RAB3GAP2: variants seen among roughly 807,000 people sequenced by gnomAD.
RAB3GAP2 encodes RAB3 GTPase activating non-catalytic protein subunit 2, also known as rab3 GTPase-activating protein non-catalytic subunit.
In RAB3GAP2, 87 loss-of-function variants were observed where a neutral mutation model predicts 185.3. That is an observed-to-expected ratio of 0.47 (90% CI 0.39 to 0.56). The LOEUF is 0.56. RAB3GAP2 is among the 20% of genes least tolerant of loss of function. The pLI is 0.00. For synonymous variants in RAB3GAP2, 554 were observed against 576.1 expected (o/e 0.96, Z 0.55); for missense variants, 1,492 against 1,638.2 (o/e 0.91, Z 1.54).
chr1:220,222,249 T>C (rs1389326128), intron 2 of RAB3GAP2, among the ~76,000 whole-genome samples: 1 of 152,308 alleles, frequency 6.6e-6, no homozygotes, highest in East Asian at 1.9e-4. Context: ...AACTATAAAA[T>C]GCTCAATATT....
At chr1:220,198,310 C>T (rs1383449502) in intron 9 of RAB3GAP2, among the ~76,000 whole-genome samples, 1 of 152,176 alleles carries the variant, frequency 6.6e-6, no homozygotes, top group East Asian at 1.9e-4. Flanking sequence ...AACAAATGGA[C>T]ATAAAGCTTG....
chr1:220,152,991 C>T (rs1018711404), intron 33 of RAB3GAP2, among the ~76,000 whole-genome samples, 194 bp downstream of exon 33: 1 of 152,192 alleles, frequency 6.6e-6, no homozygotes, highest in African/African-American at 2.4e-5. Flanking sequence ...GTGCGTAGGG[C>T]AGGCCTGGCA....
chr1:220,199,965 T>G (rs998819702), intron 9 of RAB3GAP2, among the ~76,000 whole-genome samples: 3 of 152,140 alleles, frequency 2.0e-5, no homozygotes, highest in Non-Finnish European at 4.4e-5. Flanking sequence ...GGAGATATGT[T>G]TAAATGTAAT....
At chr1:220,167,873 T>A (rs1658101256) in intron 24 of RAB3GAP2, among the ~76,000 whole-genome samples, 198 bp from the exon 25 acceptor site, 1 of 152,172 alleles carries the variant, frequency 6.6e-6, no homozygotes. Flanking sequence ...GTGGGATATT[T>A]ACGATGTCAG....
intron 1 of RAB3GAP2, among the ~76,000 whole-genome samples, chr1:220,270,201 C>T (rs1187385657): frequency 6.6e-6 from 1 of 152,240 alleles, no homozygotes; most frequent in Non-Finnish European, 1.5e-5. Flanking sequence ...GGGCCTTACT[C>T]TCACATGATT....
intron 2 of RAB3GAP2, among the ~76,000 whole-genome samples, chr1:220,226,601 T>C (rs1318007895): frequency 2.3e-4 from 35 of 152,184 alleles, no homozygotes; most frequent in Non-Finnish European, 1.5e-5. Context: ...TTTTCTTCTA[T>C]CCCAATCCAT....
rs1558178728 is a variant in RAB3GAP2, at chr1:220,272,333, G to C, written c.5C>G (p.Ala2Gly). The change falls in exon 1 of 35, where the codon GCC becomes GGC. Residue 2 changes from alanine (A) to glycine (G), a missense_variant. By Grantham distance (60) the Ala-to-Gly change is moderately conservative (BLOSUM62 0). Around this residue, in one of 5 missense-constraint regions of RAB3GAP2, gnomAD observed 177 missense variants for 160.6 expected, o/e 1.10. Coordinates refer to ENST00000358951, the MANE Select transcript of RAB3GAP2 (RefSeq NM_012414.4). MACSIVQFCYFQ... is the reference protein window; with the variant it reads MGCSIVQFCYFQ... ...GTAGCAGAACTGGACAATGGAGCAGGCCATGGCTCCAGGGAACCCCACTAC... is the reference window on the plus strand; with the variant it reads ...GTAGCAGAACTGGACAATGGAGCAGCCCATGGCTCCAGGGAACCCCACTAC... The C allele has an allele frequency of 1.2e-6, 2 of 1,606,582 alleles. No homozygotes were observed. Among genetic ancestry groups the C allele is most frequent in the South Asian group, 2.2e-5 (2 of 89,702 alleles).
chr1:220,166,263 GAGGA>G (rs1431833905), intron 26 of RAB3GAP2, among the ~76,000 whole-genome samples: 3 of 152,038 alleles, frequency 2.0e-5, no homozygotes, highest in African/African-American at 7.2e-5. Context: ...CAGTTTTTTG[GAGGA>G]AGGAAGAGTA....
rs555796182 is a variant in RAB3GAP2 at position 220,167,149 on chromosome 1, A to G, written c.3087+144T>C. ...GGATTGTAAGAGGAAATATGTGAAA[A>G]AGGTCTACCCTAGTTAGTACAGAGG... is the stretch of plus-strand genomic sequence containing the variant. On this transcript the variant is annotated intron_variant, in intron 26 of 34. Transcript: ENST00000358951. The G allele has an allele frequency of 3.9e-5, 29 of 735,208 alleles. 1 individual carries two copies. The highest frequency in any genetic ancestry group is 2.9e-4 in the South Asian group (19 of 64,442). 45.5% of individuals were successfully genotyped at this position (735,208 alleles called of 1,614,324 possible).
intron 7 of RAB3GAP2, among the ~76,000 whole-genome samples, chr1:220,208,449 A>G (rs898826475): frequency 6.6e-6 from 1 of 152,198 alleles, no homozygotes; most frequent in African/African-American, 2.4e-5. Flanking sequence ...CTATGACTTC[A>G]ACCATCGTGT....
chr1:220,257,237 G>A (rs537568059), intron 1 of RAB3GAP2, among the ~76,000 whole-genome samples: 2 of 152,146 alleles, frequency 1.3e-5, no homozygotes, highest in East Asian at 3.9e-4. Flanking sequence ...AATTAGCCGG[G>A]CGTGGTGGCA....
intron 8 of RAB3GAP2, 100 bp downstream of exon 8, chr1:220,205,807 A>G: frequency 1.1e-6 from 1 of 876,318 alleles, no homozygotes. Context: ...CTAGTTCAGA[A>G]GGCCTTTTTT....
At position 220,159,385 on chromosome 1, in the gene RAB3GAP2, C is replaced by A; in HGVS notation, c.3261+1G>T. The A allele has an allele frequency of 6.2e-7, 1 of 1,603,888 alleles. No individual in the cohort carries two copies. Among genetic ancestry groups the A allele is most frequent in the Non-Finnish European group, 8.5e-7 (1 of 1,171,256 alleles). Reference sequence around the variant, plus strand: ...ATTCTAGCTATGGGAGATTCACTTACCCTTCGGCATAACCTATCTTTTGGT... The same window carrying A: ...ATTCTAGCTATGGGAGATTCACTTAACCTTCGGCATAACCTATCTTTTGGT... On this transcript the variant is annotated splice_donor_variant, in intron 29 of 34. Coordinates refer to ENST00000358951, the MANE Select transcript of RAB3GAP2 (RefSeq NM_012414.4). LOFTEE classifies it high-confidence loss of function.
intron 2 of RAB3GAP2, among the ~76,000 whole-genome samples, chr1:220,229,434 T>C (rs1308752200): frequency 1.3e-5 from 2 of 152,328 alleles, no homozygotes; most frequent in East Asian, 3.9e-4. Flanking sequence ...TCTGACCCCA[T>C]TGCATAGCAC....
chr1:220,167,265 A>G, intron 26 of RAB3GAP2, 28 bp downstream of exon 26: 1 of 1,571,660 alleles, frequency 6.4e-7, no homozygotes, highest in Non-Finnish European at 8.8e-7. Flanking sequence ...AAGCAGAAAT[A>G]ACATGAAAGA....
chr1:220,239,266 T>C lies in RAB3GAP2; in HGVS notation c.116-6403A>G, dbSNP rs542020295. Among the ~76,000 whole-genome samples the C allele has an allele frequency of 5.5e-4, 84 of 152,328 alleles. 2 individuals carry two copies. The South Asian group carries it at 0.017, about 30-fold the overall frequency. ...TCAGGGGAGGGACAAGGTCTAGCTC[T>C]ATTGCCCAGGGTGGACTGCAATGAT... On this transcript the variant is annotated intron_variant, in intron 1 of 34. Coordinates refer to ENST00000358951, the MANE Select transcript of RAB3GAP2 (RefSeq NM_012414.4).
intron 1 of RAB3GAP2, among the ~76,000 whole-genome samples, chr1:220,250,740 C>T (rs1184306187): frequency 6.6e-6 from 1 of 151,830 alleles, no homozygotes; most frequent in Admixed American, 6.6e-5. Context: ...GTGCTGTTCT[C>T]ATGCTGTTCT....
At chr1:220,176,831 G>A (rs1320324587) in intron 21 of RAB3GAP2, among the ~76,000 whole-genome samples, 3 of 152,066 alleles carry the variant, frequency 2.0e-5, no homozygotes, top group Non-Finnish European at 4.4e-5. Context: ...ATGCCTCTCT[G>A]AGCCAACATG....
In RAB3GAP2 at chr1:220,259,636, A is replaced by C. The variant is rs2102530773; in HGVS notation, c.115+12587T>G. On this transcript the variant is annotated intron_variant, in intron 1 of 34. Coordinates refer to ENST00000358951, the MANE Select transcript of RAB3GAP2 (RefSeq NM_012414.4). ...TAAAGGTAAAACCCAAAACTATAAAAACCCTAGAAGAAAATCTAGCAATAC... is the reference window on the plus strand; with the variant it reads ...TAAAGGTAAAACCCAAAACTATAAACACCCTAGAAGAAAATCTAGCAATAC... 2.6e-5 allele frequency among the ~76,000 whole-genome samples: 4 copies of C among 152,350 alleles called. No homozygotes were observed. In the South Asian group the frequency reaches 8.3e-4, roughly 32 times the overall value.
Sources: allele counts gnomAD v4.1 joint callset (sites outside exome capture counted in the v4.1 genomes callset), GRCh38; gene constraint gnomAD v4.1.1; regional missense constraint gnomAD v4.1.1; transcripts MANE v1.5; gene names NCBI Gene and HGNC (gene_info 2026-07-23, HGNC 2026-07-21).